Variants in PROS1 observed in about 807,000 individuals in gnomAD.
The protein encoded by PROS1 is vitamin K-dependent protein S.
Under a neutral mutation model 75.9 loss-of-function variants are expected in PROS1, and 29 were observed. The observed-to-expected ratio is 0.38, with a 90% CI of 0.28 to 0.52. The LOEUF is 0.52. Ranked by LOEUF, PROS1 falls within the 20% of genes least tolerant of loss-of-function variation. The pLI is 0.83. For missense variants in PROS1, 680 were observed against 810.3 expected (o/e 0.84, Z 1.95); for synonymous variants, 245 against 280.6 (o/e 0.87, Z 1.27).
intron 6 of PROS1, among the ~76,000 whole-genome samples, chr3:93,904,694 A>G (rs1057223406): frequency 1.3e-5 from 2 of 152,224 alleles, no homozygotes; most frequent in African/African-American, 4.8e-5. Context: ...CAGTTTCTAA[A>G]GGCAAATTTT....
At chr3:93,916,984 G>C (rs185345691) in intron 3 of PROS1, among the ~76,000 whole-genome samples, 1 of 152,290 alleles carries the variant, frequency 6.6e-6, no homozygotes, top group East Asian at 1.9e-4. Flanking sequence ...TCAAGAGTCA[G>C]GTAAATTTTT....
chr3:93,920,548 T>C (rs1188134002), intron 3 of PROS1, among the ~76,000 whole-genome samples: 1 of 152,170 alleles, frequency 6.6e-6, no homozygotes, highest in Admixed American at 6.5e-5. Context: ...TATGTGTTCC[T>C]ATATTTTGTC....
At chr3:93,966,349 G>A (rs1007249783) in intron 1 of PROS1, among the ~76,000 whole-genome samples, 2 of 152,168 alleles carry the variant, frequency 1.3e-5, no homozygotes, top group African/African-American at 4.8e-5. Flanking sequence ...CCAGAGATGA[G>A]AATGTTTGTG....
At chr3:93,899,161 T>TA (rs1267833535) in intron 7 of PROS1, among the ~76,000 whole-genome samples, 2 of 150,988 alleles carry the variant, frequency 1.3e-5, no homozygotes, top group Non-Finnish European at 3.0e-5. Context: ...TTTTTTTTTT[T>TA]AAAAAACCTC....
chr3:93,879,286 A>G lies in PROS1; in HGVS notation c.1521T>C (p.His507=), dbSNP rs760371116. 5 of 1,614,104 alleles carry G rather than the reference A, an allele frequency of 3.1e-6. No homozygotes were observed. Among genetic ancestry groups the G allele is most frequent in the Middle Eastern group, 1.6e-4 (1 of 6,062 alleles). The change falls in exon 13 of 15, where the codon CAT becomes CAC. Residue 507 remains histidine, a synonymous_variant. Coordinates refer to ENST00000394236, the MANE Select transcript of PROS1 (RefSeq NM_000313.4). ...GACGAATATTCAAGGTCACATTTAC[A>G]TGCCAACCCTCAGCACTGGATACAT... is the stretch of plus-strand genomic sequence containing the variant. ...YNNVSSAEGW[H]VNVTLNIRPS...
intron 7 of PROS1, among the ~76,000 whole-genome samples, chr3:93,898,858 G>GA (rs927803916): frequency 6.6e-6 from 1 of 151,082 alleles, no homozygotes; most frequent in Non-Finnish European, 1.5e-5. Context: ...TGAATTTGAA[G>GA]AAAAAAAAGA....
At chr3:93,953,263 G>A (rs1709536399) in intron 1 of PROS1, among the ~76,000 whole-genome samples, 1 of 152,122 alleles carries the variant, frequency 6.6e-6, no homozygotes, top group Non-Finnish European at 1.5e-5. Context: ...GCCTGGCAGA[G>A]ACACAACAAC....
chr3:93,904,821 G>C (rs1708649746), intron 6 of PROS1, among the ~76,000 whole-genome samples: 1 of 151,986 alleles, frequency 6.6e-6, no homozygotes, highest in Admixed American at 6.6e-5. Flanking sequence ...GAGAAAAAAA[G>C]TCAAAATTTA....
In PROS1 at chr3:93,927,113, G is replaced by A; in HGVS notation, c.234+137C>T. 2.7e-6 allele frequency: 3 copies of A among 1,093,496 alleles called. No individual in the cohort carries two copies. In the East Asian group the frequency reaches 7.3e-5, roughly 27 times the overall value. The allele number at this position is 1,093,496 out of a possible 1,614,324, so 67.7% of individuals were successfully genotyped here. ...CTTTGAAGGTACTTCCTCCTGAAAT[G>A]GAAGTGGTTATGTGTGGAAGGTGAT... is the stretch of plus-strand genomic sequence containing the variant. On this transcript the variant is annotated intron_variant, in intron 2 of 14. Coordinates refer to ENST00000394236, the MANE Select transcript of PROS1 (RefSeq NM_000313.4).
intron 1 of PROS1, among the ~76,000 whole-genome samples, chr3:93,945,773 A>G (rs1246809110): frequency 1.3e-5 from 2 of 151,962 alleles, no homozygotes; most frequent in African/African-American, 4.8e-5. Context: ...CTCTCTCACC[A>G]CTCCTATTCA....
chr3:93,944,319 T>G (rs766793689), intron 1 of PROS1, among the ~76,000 whole-genome samples: 2 of 151,990 alleles, frequency 1.3e-5, no homozygotes, highest in African/African-American at 4.8e-5. Context: ...ATTAGTAACA[T>G]GAAAAAGACC....
intron 1 of PROS1, among the ~76,000 whole-genome samples, chr3:93,949,757 C>A (rs1484682942): frequency 2.0e-5 from 3 of 152,184 alleles, no homozygotes; most frequent in African/African-American, 7.2e-5. Context: ...CAGTCTACAG[C>A]TCCCAGCATG....
Position 93,950,959 on chromosome 3 carries a change from C to T in PROS1, c.76+22715G>A, listed in dbSNP as rs187354531. ...CCTTGAAAAAAGATTAGATGAATGG[C>T]TAACAGGAATAAACAGCATAGAGAA... On this transcript the variant is annotated intron_variant, in intron 1 of 14. Coordinates refer to ENST00000394236, the MANE Select transcript of PROS1 (RefSeq NM_000313.4). Among the ~76,000 whole-genome samples, 5 of 152,104 alleles carry T rather than the reference C, an allele frequency of 3.3e-5. No homozygotes were observed. The East Asian group carries it at 9.7e-4, about 29-fold the overall frequency.
At chr3:93,905,510 T>A (rs1708659564) in intron 6 of PROS1, among the ~76,000 whole-genome samples, 1 of 152,016 alleles carries the variant, frequency 6.6e-6, no homozygotes, top group Admixed American at 6.5e-5. Context: ...GAGGCTGAAG[T>A]CAGAGGATCA....
chr3:93,966,204 GT>G (rs1559954123), intron 1 of PROS1, among the ~76,000 whole-genome samples: 1 of 152,194 alleles, frequency 6.6e-6, no homozygotes, highest in Non-Finnish European at 1.5e-5. Context: ...AGACATATAA[GT>G]GGCATTTCTC....
chr3:93,876,271 G>A (rs1178979451), intron 14 of PROS1, among the ~76,000 whole-genome samples: 1 of 152,124 alleles, frequency 6.6e-6, no homozygotes, highest in Non-Finnish European at 1.5e-5. Context: ...TGCCCAGACT[G>A]TTTGTTTTGC....
intron 1 of PROS1, among the ~76,000 whole-genome samples, chr3:93,972,266 G>C (rs948276671): frequency 6.6e-6 from 1 of 152,180 alleles, no homozygotes; most frequent in African/African-American, 2.4e-5. Context: ...TTACAAATTG[G>C]CTGAATGATA....
chr3:93,962,938 G>A (rs181717399), intron 1 of PROS1, among the ~76,000 whole-genome samples: 2 of 152,278 alleles, frequency 1.3e-5, no homozygotes, highest in East Asian at 1.9e-4. Context: ...GAGTCGAAAG[G>A]CTGCCAAATA....
At chr3:93,939,243 G>A (rs545243975) in intron 1 of PROS1, among the ~76,000 whole-genome samples, 115 of 152,190 alleles carry the variant, frequency 7.6e-4, no homozygotes, top group African/African-American at 2.7e-3. Context: ...AATGGTCTGA[G>A]GTGCCTGACG....
Sources: gnomAD v4.1 joint callset for allele counts (sites outside exome capture counted in the v4.1 genomes callset) on GRCh38, gnomAD v4.1.1 for gene constraint, MANE v1.5 for transcripts, NCBI Gene and HGNC (gene_info 2026-07-23, HGNC 2026-07-21) for gene names.